The following LACTBL1 variants were observed in gnomAD, a reference collection of about 807,000 sequenced individuals.
LACTBL1 encodes the protein lactamase beta like 1.
A neutral mutation model predicts 39.6 loss-of-function variants in LACTBL1; 29 were observed. The ratio of observed to expected loss-of-function variants is 0.73; its 90% confidence interval spans 0.55 to 1.00. The LOEUF is 1.00. LACTBL1 is among the 50% of genes least tolerant of loss of function. The pLI is 0.00. For missense variants in LACTBL1, 711 were observed against 748.5 expected (o/e 0.95, Z 0.59); for synonymous variants, 361 against 360.7 (o/e 1.00, Z -0.01).
chr1:22,955,598 CTG>C (rs899686310), intron 4 of LACTBL1, among the ~76,000 whole-genome samples, 172 bp from the exon 7 acceptor site: 3 of 152,200 alleles, frequency 2.0e-5, no homozygotes, highest in African/African-American at 7.2e-5. Context: ...CTCTTCCTGC[CTG>C]TGTGTCACTG....
chr1:22,971,008 C>A, the LACTBL1 span, among the ~76,000 whole-genome samples: 2 of 152,122 alleles, frequency 1.3e-5, no homozygotes, highest in African/African-American at 4.8e-5. Flanking sequence ...GAAGATACTC[C>A]CCTCCTGGCA....
intron 4 of LACTBL1, among the ~76,000 whole-genome samples, 172 bp downstream of exon 6, chr1:22,958,506 GCTTTTAC>G (rs1488695808): frequency 6.6e-6 from 1 of 152,218 alleles, no homozygotes; most frequent in Non-Finnish European, 1.5e-5. Context: ...CTTCAGTTCA[GCTTTTAC>G]CTCGAGAGAT....
At chr1:22,954,052 C>T in intron 5 of LACTBL1, 28 bp from the exon 8 acceptor site, 1 of 1,496,886 alleles carries the variant, frequency 6.7e-7, no homozygotes, top group South Asian at 1.3e-5. Flanking sequence ...GCAAGTGGGA[C>T]GGGGCCCTTC....
the LACTBL1 span, among the ~76,000 whole-genome samples, chr1:22,970,356 G>C: frequency 2.6e-5 from 4 of 152,136 alleles, no homozygotes; most frequent in African/African-American, 9.7e-5. Context: ...CAGACTAAAT[G>C]GTTACAGACT....
the LACTBL1 span, among the ~76,000 whole-genome samples, chr1:22,972,015 C>T: frequency 1.3e-5 from 2 of 152,078 alleles, no homozygotes; most frequent in Non-Finnish European, 2.9e-5. Flanking sequence ...GCTTGGGTCA[C>T]TCCAGGCAGA....
chr1:22,953,078 G>A, exon 6 of LACTBL1: 1 of 1,232,310 alleles, frequency 8.1e-7, no homozygotes, highest in Non-Finnish European at 1.0e-6. Flanking sequence ...CCCCGCAGCC[G>A]CAGCACTCTG....
chr1:22,959,951 G>A (rs1281522546), exon 3 of LACTBL1: 9 of 1,551,104 alleles, frequency 5.8e-6, no homozygotes, highest in African/African-American at 1.4e-5. Context: ...CCTGTACATG[G>A]TGTACTCATT....
At chr1:22,964,279 G>A (rs1200515632) in intron 1 of LACTBL1, among the ~76,000 whole-genome samples, 1 of 152,194 alleles carries the variant, frequency 6.6e-6, no homozygotes. Context: ...CTTCGAAGCT[G>A]GCTGGCTTTG....
chr1:22,963,852 C>A (rs1291596152), intron 1 of LACTBL1, among the ~76,000 whole-genome samples: 1 of 152,220 alleles, frequency 6.6e-6, no homozygotes, highest in South Asian at 2.1e-4. Context: ...ATTAATACAT[C>A]CTCCTCGTCT....
chr1:22,968,124 T>G (rs1018438523), upstream of LACTBL1, among the ~76,000 whole-genome samples: 2 of 152,240 alleles, frequency 1.3e-5, no homozygotes, highest in South Asian at 4.1e-4. Context: ...AATAAATGAT[T>G]TCATACTGTA....
exon 6 of LACTBL1, chr1:22,953,573 C>A: frequency 8.0e-7 from 1 of 1,251,402 alleles, no homozygotes; most frequent in Non-Finnish European, 1.0e-6. Context: ...GAGAAGGTGG[C>A]GGCGTAGCCG....
chr1:22,958,899 G>A, exon 4 of LACTBL1: 4 of 1,549,098 alleles, frequency 2.6e-6, no homozygotes, highest in Non-Finnish European at 3.5e-6. Flanking sequence ...GGACAGGAAA[G>A]ATCTTGGAGA....
At chr1:22,953,730 C>A (rs1184620982) in exon 6 of LACTBL1, 6 of 1,346,652 alleles carry the variant, frequency 4.5e-6, no homozygotes, top group Non-Finnish European at 4.8e-6. Context: ...GCAGGAGCCG[C>A]CGGGGCCCGC....
exon 1 of LACTBL1, chr1:22,965,323 G>T: frequency 7.6e-7 from 1 of 1,319,078 alleles, no homozygotes. Context: ...TACTGCCACA[G>T]GAAGCAGCCA....
exon 6 of LACTBL1, chr1:22,953,770 A>G: frequency 6.8e-7 from 1 of 1,480,150 alleles, no homozygotes; most frequent in Non-Finnish European, 9.0e-7. Flanking sequence ...CAGCTTGGCC[A>G]GGTCGGCGGC....
chr1:22,956,206 C>G (rs1421632260), intron 4 of LACTBL1, among the ~76,000 whole-genome samples: 1 of 151,858 alleles, frequency 6.6e-6, no homozygotes, highest in African/African-American at 2.4e-5. Flanking sequence ...GACCCTATGT[C>G]TACAAAAAAT....
At chr1:22,953,613 G>A (rs1213187885) in exon 6 of LACTBL1, 1 of 1,265,208 alleles carries the variant, frequency 7.9e-7, no homozygotes, top group African/African-American at 1.6e-5. Flanking sequence ...GCACCACGCG[G>A]TAGCCCCGCT....
chr1:22,968,345 C>T (rs1294305696), upstream of LACTBL1, among the ~76,000 whole-genome samples: 1 of 152,128 alleles, frequency 6.6e-6, no homozygotes, highest in Non-Finnish European at 1.5e-5. Flanking sequence ...AAGGTACAGC[C>T]ATCTTCAACT....
chr1:22,960,208 T>A, intron 2 of LACTBL1, 109 bp from the exon 5 acceptor site: 3 of 1,324,062 alleles, frequency 2.3e-6, no homozygotes, highest in Non-Finnish European at 3.1e-6. Flanking sequence ...AGCACCCCAG[T>A]GAGCCTCCCA....
Sources: allele counts gnomAD v4.1 joint callset (sites outside exome capture counted in the v4.1 genomes callset), GRCh38; gene constraint gnomAD v4.1.1; transcripts MANE v1.5; gene names NCBI Gene and HGNC (gene_info 2026-07-23, HGNC 2026-07-21).